The following MYO1D variants were observed in gnomAD, a reference collection of about 807,000 sequenced individuals.
MYO1D encodes unconventional myosin-Id.
A neutral mutation model predicts 122.0 loss-of-function variants in MYO1D; 83 were observed. The observed-to-expected ratio is 0.68, with a 90% CI of 0.57 to 0.82. The LOEUF (loss-of-function observed/expected upper bound fraction) is 0.82. Ranked by LOEUF, MYO1D falls within the 40% of genes least tolerant of loss-of-function variation. MYO1D has a pLI of 0.00. For synonymous variants in MYO1D, 464 were observed against 446.9 expected, an observed-to-expected ratio of 1.04 and a Z score of -0.48; for missense variants, 1,157 against 1,269.5, an observed-to-expected ratio of 0.91 and a Z score of 1.35.
At chr17:32,572,907 CT>C (rs1336155822) in intron 21 of MYO1D, among the ~76,000 whole-genome samples, 6 of 152,130 alleles carry the variant, frequency 3.9e-5, no homozygotes, top group Non-Finnish European at 7.4e-5. Flanking sequence ...TAGCTATGCT[CT>C]TTCATGTTAC....
chr17:32,633,561 AT>A (rs2150935480), intron 20 of MYO1D, among the ~76,000 whole-genome samples: 1 of 151,336 alleles, frequency 6.6e-6, no homozygotes, highest in South Asian at 2.1e-4. Flanking sequence ...TTCTCCTCCC[AT>A]TTTTATTAGG....
chr17:32,701,755 T>C (rs1467349285), intron 16 of MYO1D, among the ~76,000 whole-genome samples: 3 of 152,128 alleles, frequency 2.0e-5, no homozygotes, highest in Non-Finnish European at 4.4e-5. Flanking sequence ...TTTGTAGAGA[T>C]GGGGTTTCGC....
chr17:32,693,503 C>A (rs1468264315), intron 16 of MYO1D, among the ~76,000 whole-genome samples: 1 of 152,084 alleles, frequency 6.6e-6, no homozygotes, highest in African/African-American at 2.4e-5. Context: ...TATTTCCCCT[C>A]TTTTTTCACC....
chr17:32,703,095 G>C (rs1309982079), intron 16 of MYO1D, among the ~76,000 whole-genome samples: 2 of 152,164 alleles, frequency 1.3e-5, no homozygotes. Context: ...AGTGACAGAG[G>C]AAAGGCCTTG....
chr17:32,510,959 GAAA>G (rs35310034), intron 21 of MYO1D: 5 of 140,318 alleles, frequency 3.6e-5, no homozygotes, highest in Non-Finnish European at 6.2e-5. Flanking sequence ...TATGAGGGAA[GAAA>G]AAAAAAAAAA....
intron 1 of MYO1D, among the ~76,000 whole-genome samples, chr17:32,830,873 C>G (rs141849376): frequency 6.6e-6 from 1 of 152,040 alleles, no homozygotes; most frequent in Admixed American, 6.6e-5. Flanking sequence ...ACCTGTGTAA[C>G]GGTGAAACCC....
Position 32,494,919 on chromosome 17 carries a change from C to T in MYO1D, c.2865-4G>A. On this transcript the variant is annotated splice_region_variant and splice_polypyrimidine_tract_variant and intron_variant, in intron 21 of 21. Coordinates refer to ENST00000318217, the MANE Select transcript of MYO1D (RefSeq NM_015194.3). The stretch of plus-strand genomic sequence containing the variant: ...CACTTGAAGGTGGCGCTTCTCACTG[C>T]AGGAACCAAAAACACCAGACGGGCA... 6.3e-7 allele frequency: 1 copy of T among 1,591,546 alleles called. No homozygotes were observed. Among genetic ancestry groups the T allele is most frequent in the Non-Finnish European group, 8.6e-7 (1 of 1,164,934 alleles).
intron 1 of MYO1D, among the ~76,000 whole-genome samples, chr17:32,850,725 A>G (rs1002410692): frequency 3.3e-5 from 5 of 152,236 alleles, no homozygotes; most frequent in African/African-American, 1.2e-4. Context: ...TTTGAGATAC[A>G]CCATATAAGG....
intron 21 of MYO1D, among the ~76,000 whole-genome samples, chr17:32,569,591 G>A (rs2087204231): frequency 1.3e-5 from 2 of 152,180 alleles, no homozygotes; most frequent in South Asian, 4.1e-4. Flanking sequence ...GATGAGCAAT[G>A]GGAGACGCCC....
chr17:32,745,160 CAT>C (rs769231894), intron 13 of MYO1D, 49 bp downstream of exon 13: 12 of 1,006,956 alleles, frequency 1.2e-5, no homozygotes, highest in East Asian at 5.0e-5. Flanking sequence ...GCATATATTA[CAT>C]ATGTCAATGA....
chr17:32,819,617 A>ATTTT, intron 1 of MYO1D, among the ~76,000 whole-genome samples: 1 of 152,158 alleles, frequency 6.6e-6, no homozygotes, highest in African/African-American at 2.4e-5. Flanking sequence ...TGACCCCAAA[A>ATTTT]AGGAATAAAA....
At chr17:32,674,778 A>C (rs1194673737) in intron 16 of MYO1D, among the ~76,000 whole-genome samples, 1 of 152,172 alleles carries the variant, frequency 6.6e-6, no homozygotes, top group East Asian at 1.9e-4. Flanking sequence ...TGTTGTAGGC[A>C]TTAACCAGTG....
chr17:32,494,691 G>A lies in MYO1D; in HGVS notation c.*68C>T. 6.7e-7 allele frequency: 1 copy of A among 1,489,738 alleles called. No individual in the cohort carries two copies. The allele number at this position is 1,489,738 out of a possible 1,614,324, so 92.3% of individuals were successfully genotyped here. A position where few individuals can be genotyped will look rare whatever the true frequency, so the allele number is the denominator to read the frequency against. On this transcript the variant is annotated 3_prime_UTR_variant, in exon 22 of 22. Coordinates refer to ENST00000318217, the MANE Select transcript of MYO1D (RefSeq NM_015194.3). ...GGTTTCTAGCGGGCATGGGTTGGGA[G>A]GCAGCAGCTGGACTGGGACCCAGGA...
At chr17:32,509,814 C>T (rs1467089992) in intron 21 of MYO1D, 2 of 152,160 alleles carry the variant, frequency 1.3e-5, no homozygotes, top group African/African-American at 2.4e-5. Context: ...GTCTCGATCT[C>T]CTGACCTCAT....
At position 32,659,316 on chromosome 17, in the gene MYO1D, C is replaced by A. The variant is rs753028339; in HGVS notation, c.2144G>T (p.Arg715Leu). The A allele has an allele frequency of 1.2e-6, 2 of 1,613,968 alleles. No individual in the cohort carries two copies. Among genetic ancestry groups the A allele is most frequent in the African/African-American group, 1.3e-5 (1 of 75,032 alleles). The change falls in exon 17 of 22, where the codon CGC becomes CTC. Residue 715 changes from arginine to leucine, a missense_variant. Transcript: ENST00000318217. Reference sequence around the variant, plus strand: ...TGCCTTGGTTCTTTTGTACCGCATGCGGGCCAGGGTGCCCCGCCACACCTT... The same window carrying A: ...TGCCTTGGTTCTTTTGTACCGCATGAGGGCCAGGGTGCCCCGCCACACCTT... ...LQKVWRGTLA[R>L]MRYKRTKAAL...
intron 21 of MYO1D, among the ~76,000 whole-genome samples, chr17:32,543,075 A>G (rs1449005807): frequency 6.6e-6 from 1 of 150,642 alleles, no homozygotes; most frequent in Non-Finnish European, 1.5e-5. Context: ...AAACACAAAA[A>G]ATTAGCCAGG....
chr17:32,648,190 G>A (rs1185090552), intron 19 of MYO1D, among the ~76,000 whole-genome samples: 2 of 152,032 alleles, frequency 1.3e-5, no homozygotes, highest in South Asian at 2.1e-4. Context: ...CCCTAGCCTG[G>A]GTGACAGAGT....
chr17:32,693,767 TGA>T (rs1258949149), intron 16 of MYO1D, among the ~76,000 whole-genome samples: 2 of 152,274 alleles, frequency 1.3e-5, no homozygotes, highest in African/African-American at 4.8e-5. Flanking sequence ...TGGCAGTGTC[TGA>T]GAGGAGATAA....
rs2088434099 is a variant in MYO1D, at chr17:32,653,869, C to T, written c.2569G>A (p.Val857Ile). The T allele has an allele frequency of 2.5e-6, 4 of 1,613,782 alleles. No individual in the cohort carries two copies. The highest frequency in any genetic ancestry group is 2.2e-5 in the East Asian group (1 of 44,836). The change falls in exon 19 of 22, where the codon GTC becomes ATC. Residue 857 changes from valine to isoleucine, a missense_variant. Val to Ile is a conservative substitution (Grantham distance 29). Coordinates refer to ENST00000318217, the MANE Select transcript of MYO1D (RefSeq NM_015194.3). ...TTACGGACGTGACAGGAAAAGAGGA[C>T]ATTCATGTATTTGTCCTTCCGTTTC... The part of the protein sequence containing the change: ...ELKRKDKYMN[V>I]LFSCHVRKVN...
Sources: allele counts gnomAD v4.1 joint callset (sites outside exome capture counted in the v4.1 genomes callset), GRCh38; gene constraint gnomAD v4.1.1; transcripts MANE v1.5; gene names NCBI Gene and HGNC (gene_info 2026-07-23, HGNC 2026-07-21).